Variants in RHPN2 observed in about 807,000 individuals in gnomAD.
RHPN2 encodes the protein rhophilin Rho GTPase binding protein 2, also known as rhophilin-2.
A neutral mutation model predicts 79.0 loss-of-function variants in RHPN2; 40 were observed. The ratio of observed to expected loss-of-function variants is 0.51; its 90% CI spans 0.39 to 0.66. The LOEUF is 0.66. Ranked by LOEUF, RHPN2 falls within the 30% of genes least tolerant of loss-of-function variation. The pLI is 0.00. For missense variants in RHPN2, 686 were observed against 883.5 expected (o/e 0.78, Z 2.83); for synonymous variants, 285 against 363.5 (o/e 0.78, Z 2.46).
chr19:32,981,117 G>A (rs571415087), intron 14 of RHPN2, among the ~76,000 whole-genome samples: 1 of 152,138 alleles, frequency 6.6e-6, no homozygotes, highest in Non-Finnish European at 1.5e-5. Flanking sequence ...GAGCCACCAC[G>A]CCCGGCCCAA....
Position 32,999,673 on chromosome 19 carries a change from T to A in RHPN2, c.1138A>T (p.Lys380Ter). ...TGGTCGTAGAGCTGGGACAGGCACT[T>A]CTCCTGGTGGTCCAGATCCGTGCCT... ...KPGTDLDHQE[K>*]CLSQLYDHMP... Residue 380 changes from lysine to a stop codon, truncating the protein, a stop_gained, in exon 10 of 15, where the codon AAG (lysine) becomes TAG (stop). Transcript: ENST00000254260. LOFTEE classifies it high-confidence loss of function. 1 of 1,612,992 alleles carries A rather than the reference T, an allele frequency of 6.2e-7. No individual in the cohort carries two copies. The highest frequency in any genetic ancestry group is 1.7e-5 in the Admixed American group (1 of 59,960).
intron 1 of RHPN2, among the ~76,000 whole-genome samples, chr19:33,052,731 G>C (rs534418911): frequency 6.6e-6 from 1 of 152,270 alleles, no homozygotes; most frequent in Non-Finnish European, 1.5e-5. Flanking sequence ...ATAAAAACAT[G>C]AATTCAGTAC....
chr19:33,008,642 C>T (rs535310660), intron 6 of RHPN2, among the ~76,000 whole-genome samples: 4 of 152,122 alleles, frequency 2.6e-5, no homozygotes, highest in South Asian at 4.2e-4. Context: ...TGGTGGCGGG[C>T]GCCTGTAATC....
At chr19:32,994,120 G>T in intron 11 of RHPN2, 67 bp from the exon 12 acceptor site, 1 of 1,192,680 alleles carries the variant, frequency 8.4e-7, no homozygotes, top group Non-Finnish European at 1.2e-6. Context: ...TAATAGTCCA[G>T]TGTTGTGGCT....
intron 10 of RHPN2, among the ~76,000 whole-genome samples, chr19:32,998,866 C>A: frequency 9.8e-6 from 1 of 101,560 alleles, no homozygotes; most frequent in African/African-American, 4.0e-5. Flanking sequence ...GAGGGAGGAC[C>A]AGAGGAGAGA....
In RHPN2 at chr19:33,007,749, G is replaced by GT. The variant is rs71340516; in HGVS notation, c.760+264dup. Among the ~76,000 whole-genome samples, 1,305 of 137,946 alleles carry GT rather than the reference G, an allele frequency of 9.5e-3. 12 individuals are homozygous for GT. The highest frequency in any genetic ancestry group is 0.026 in the African/African-American group (965 of 37,668). The allele number at this position is 137,946 out of a possible 152,430, so 90.5% of individuals were successfully genotyped here. On this transcript the variant is annotated intron_variant, in intron 7 of 14. Coordinates refer to ENST00000254260, the MANE Select transcript of RHPN2 (RefSeq NM_033103.5). ...GACTGAGGTCTGAACCACCGAGCAAGTTTTTTTTTTTTTTTTTGAGATGCA... is the reference window on the plus strand; with the variant it reads ...GACTGAGGTCTGAACCACCGAGCAAGTTTTTTTTTTTTTTTTTTGAGATGCA...
chr19:33,011,251 T>G (rs1049080546), intron 6 of RHPN2, among the ~76,000 whole-genome samples: 1 of 152,146 alleles, frequency 6.6e-6, no homozygotes, highest in East Asian at 1.9e-4. Context: ...AAAAGAAACC[T>G]GATCTATTTC....
chr19:33,031,256 C>CTATTCTACTCTAT (rs1489473211), intron 2 of RHPN2, among the ~76,000 whole-genome samples: 2 of 49,980 alleles, frequency 4.0e-5, no homozygotes, highest in East Asian at 6.0e-4. Context: ...TTCTATTCTA[C>CTATTCTACTCTAT]TCTATTCTAT....
intron 1 of RHPN2, among the ~76,000 whole-genome samples, chr19:33,053,936 G>A (rs1186155474): frequency 6.6e-6 from 1 of 151,968 alleles, no homozygotes; most frequent in African/African-American, 2.4e-5. Flanking sequence ...TCCATTCACT[G>A]CAGCCTCAAT....
intron 11 of RHPN2, among the ~76,000 whole-genome samples, chr19:32,995,607 C>T (rs1231899456): frequency 6.6e-6 from 1 of 152,008 alleles, no homozygotes; most frequent in Non-Finnish European, 1.5e-5. Flanking sequence ...CCTGGTAATC[C>T]CAGCACTTTG....
At chr19:32,990,137 T>TAAAGAAAGAAAGAAAG (rs67167337) in intron 14 of RHPN2, among the ~76,000 whole-genome samples, 20 of 17,880 alleles carry the variant, frequency 1.1e-3, no homozygotes, top group Admixed American at 1.7e-3. Flanking sequence ...AGAAAATGAA[T>TAAAGAAAGAAAGAAAG]AAAGAAAGAA....
At chr19:33,005,024 G>A (rs1347417851) in intron 7 of RHPN2, among the ~76,000 whole-genome samples, 1 of 151,376 alleles carries the variant, frequency 6.6e-6, no homozygotes, top group African/African-American at 2.4e-5. Flanking sequence ...GCAAGCAGAC[G>A]GCAGGCAGAA....
intron 2 of RHPN2, among the ~76,000 whole-genome samples, chr19:33,037,341 C>G (rs996669819): frequency 2.0e-5 from 3 of 152,174 alleles, no homozygotes; most frequent in Admixed American, 6.5e-5. Flanking sequence ...AATCAGCACC[C>G]TGTCAAAACA....
intron 4 of RHPN2, among the ~76,000 whole-genome samples, chr19:33,017,133 C>T (rs1353477041): frequency 6.6e-6 from 1 of 152,132 alleles, no homozygotes; most frequent in East Asian, 1.9e-4. Flanking sequence ...AATCCCAGCA[C>T]TTTGGGAGGC....
At chr19:33,017,725 AG>A (rs35912030) in intron 4 of RHPN2, among the ~76,000 whole-genome samples, 31,219 of 115,052 alleles carry the variant, frequency 0.27, 4,910 homozygotes, top group Non-Finnish European at 0.36. Context: ...AAAAAAAAAA[AG>A]AGAGAGAGAG....
chr19:32,979,979 A>G lies in RHPN2; in HGVS notation c.*17T>C, dbSNP rs777316648. On this transcript the variant is annotated 3_prime_UTR_variant, in exon 15 of 15. Coordinates refer to ENST00000254260, the MANE Select transcript of RHPN2 (RefSeq NM_033103.5). ...CACCGGAAATGTTCAGGGCCTGAAC[A>G]TGTTTGTTTCCTCACATTAGTACCA... The G allele has an allele frequency of 3.2e-5, 51 of 1,613,762 alleles. No individual in the cohort carries two copies. Among genetic ancestry groups the G allele is most frequent in the Non-Finnish European group, 4.1e-5 (48 of 1,179,808 alleles).
At position 32,997,980 on chromosome 19, in the gene RHPN2, C is replaced by T. The variant is rs368957298; in HGVS notation, c.1225+1606G>A. Among the ~76,000 whole-genome samples, 214 of 152,270 alleles carry T rather than the reference C, an allele frequency of 1.4e-3. 1 individual carries two copies. Among genetic ancestry groups the T allele is most frequent in the African/African-American group, 4.7e-3 (195 of 41,578 alleles). On this transcript the variant is annotated intron_variant, in intron 10 of 14. Coordinates refer to ENST00000254260, the MANE Select transcript of RHPN2 (RefSeq NM_033103.5). ...AAGAAAGAGCCAGGCCAGATCATGG[C>T]GGACCTCACGCGTGTGAGATGAGGG...
chr19:33,054,695 C>G (rs563584820), intron 1 of RHPN2, among the ~76,000 whole-genome samples: 1 of 152,316 alleles, frequency 6.6e-6, no homozygotes, highest in Admixed American at 6.5e-5. Context: ...GCGGTACCTG[C>G]AGTTCGACTG....
chr19:33,012,446 G>A (rs1319991263), intron 5 of RHPN2, among the ~76,000 whole-genome samples: 11 of 151,988 alleles, frequency 7.2e-5, no homozygotes, highest in Non-Finnish European at 4.4e-5. Flanking sequence ...CAAAGTGCTG[G>A]GATTACACAG....
Sources: allele counts gnomAD v4.1 joint callset (sites outside exome capture counted in the v4.1 genomes callset), GRCh38; gene constraint gnomAD v4.1.1; transcripts MANE v1.5; gene names NCBI Gene and HGNC (gene_info 2026-07-23, HGNC 2026-07-21).